The following PRKCZ variants were observed in gnomAD, a reference collection of about 807,000 sequenced individuals.
PRKCZ encodes the protein protein kinase C zeta type.
PRKCZ carries 33 observed loss-of-function variants against 79.5 expected under a neutral mutation model. The observed-to-expected ratio is 0.41, with a 90% CI of 0.31 to 0.55. The LOEUF (loss-of-function observed/expected upper bound fraction) is 0.55, where lower values mean the gene tolerates loss of function less well. Ranked by LOEUF, PRKCZ falls within the 20% of genes least tolerant of loss-of-function variation. PRKCZ has a pLI of 0.19. For missense variants in PRKCZ, 578 were observed against 813.5 expected (o/e 0.71, Z 3.52); for synonymous variants, 342 against 320.9 (o/e 1.07, Z -0.70).
chr1:2,099,176 A>G (rs1667040082), intron 4 of PRKCZ, among the ~76,000 whole-genome samples: 1 of 152,080 alleles, frequency 6.6e-6, no homozygotes, highest in African/African-American at 2.4e-5. Flanking sequence ...CTCCTTCATC[A>G]CCATCATCCA....
chr1:2,124,393 G>A (rs77388180), intron 4 of PRKCZ, among the ~76,000 whole-genome samples: 9 of 96,270 alleles, frequency 9.3e-5, no homozygotes, highest in Admixed American at 3.3e-4. Context: ...TCACGGCGGT[G>A]GTTAGGGTCA....
intron 4 of PRKCZ, among the ~76,000 whole-genome samples, chr1:2,069,954 G>A (rs553630363): frequency 8.5e-5 from 13 of 152,310 alleles, no homozygotes; most frequent in African/African-American, 3.1e-4. Flanking sequence ...GACTCAGGGT[G>A]CCCGCCCTGT....
intron 4 of PRKCZ, among the ~76,000 whole-genome samples, chr1:2,076,441 G>A (rs1485412732): frequency 1.3e-5 from 2 of 152,180 alleles, no homozygotes; most frequent in Non-Finnish European, 2.9e-5. Flanking sequence ...TTATGCAAAG[G>A]GCAGAAAAAG....
In PRKCZ at chr1:2,126,793, G is replaced by T. The variant is rs1673988816; in HGVS notation, c.335-8469G>T. ...CGGGGTTGCCTTCCCGAGGGCCGCG[G>T]ACACCTGAGCAGTCCCCATGCCACT... is the stretch of plus-strand genomic sequence containing the variant. On this transcript the variant is annotated intron_variant, in intron 4 of 17. Coordinates refer to ENST00000378567, the MANE Select transcript of PRKCZ (RefSeq NM_002744.6). 1.3e-5 allele frequency among the ~76,000 whole-genome samples: 2 copies of T among 152,212 alleles called. 1 individual carries two copies. The highest frequency in any genetic ancestry group is 4.1e-4 in the South Asian group (2 of 4,830).
Position 2,056,885 on chromosome 1 carries a change from C to T in PRKCZ, c.283+312C>T, listed in dbSNP as rs368325179. ...CTGGGACTACAGGCGCCCGCCACCACGCCCGGCTAATTTTTTGTATTTTTT... is the reference window on the plus strand; with the variant it reads ...CTGGGACTACAGGCGCCCGCCACCATGCCCGGCTAATTTTTTGTATTTTTT... On this transcript the variant is annotated intron_variant, in intron 3 of 17. Transcript: ENST00000378567. 3.1e-3 allele frequency among the ~76,000 whole-genome samples: 470 copies of T among 152,034 alleles called. 1 individual carries two copies. The highest frequency in any genetic ancestry group is 0.029 in the South Asian group (139 of 4,802).
chr1:2,120,157 G>C (rs1164249445), intron 4 of PRKCZ, among the ~76,000 whole-genome samples: 1 of 152,074 alleles, frequency 6.6e-6, no homozygotes, highest in Non-Finnish European at 1.5e-5. Context: ...CCTGTTAAAA[G>C]TGTTTTCATC....
rs1222462122 is a variant in PRKCZ, at chr1:2,087,881, C to T, written c.334+28290C>T. Among the ~76,000 whole-genome samples, 4 of 152,334 alleles carry T rather than the reference C, an allele frequency of 2.6e-5. No homozygotes were observed. In the East Asian group the frequency reaches 5.8e-4, roughly 22 times the overall value. ...CGGGCACCGGGGGCAGCATCCAGGC[C>T]CTCGGGAGCCAGGCAGGTCACTGCC... On this transcript the variant is annotated intron_variant, in intron 4 of 17. Coordinates refer to ENST00000378567, the MANE Select transcript of PRKCZ (RefSeq NM_002744.6).
intron 10 of PRKCZ, among the ~76,000 whole-genome samples, chr1:2,161,594 G>A (rs868371121): frequency 2.6e-5 from 4 of 152,204 alleles, no homozygotes; most frequent in African/African-American, 7.2e-5. Flanking sequence ...AAAGGGATGC[G>A]TTGTCTGTAG....
intron 4 of PRKCZ, among the ~76,000 whole-genome samples, chr1:2,067,968 C>G (rs1661258005): frequency 6.6e-6 from 1 of 152,198 alleles, no homozygotes; most frequent in Admixed American, 6.5e-5. Context: ...GGGACGGGGC[C>G]CTTCTCTTGG....
chr1:2,070,839 C>G (rs1488214782), intron 4 of PRKCZ, among the ~76,000 whole-genome samples: 1 of 152,096 alleles, frequency 6.6e-6, no homozygotes, highest in Admixed American at 6.5e-5. Context: ...GGGGAAGGGG[C>G]TCTTGAGGCT....
intron 5 of PRKCZ, chr1:2,143,914 G>T: frequency 3.1e-6 from 1 of 319,180 alleles, no homozygotes; most frequent in South Asian, 4.0e-5. Context: ...ACGGGGCCTT[G>T]CCTGAAGCAG....
chr1:2,134,682 GGAAACTC>G (rs923772767), intron 4 of PRKCZ: 1 of 152,288 alleles, frequency 6.6e-6, no homozygotes, highest in Non-Finnish European at 1.5e-5. Context: ...TTAGGTTAAA[GGAAACTC>G]GACTGGAGAG....
At chr1:2,136,655 G>T (rs1401323352) in intron 5 of PRKCZ, among the ~76,000 whole-genome samples, 1 of 152,156 alleles carries the variant, frequency 6.6e-6, no homozygotes, top group Non-Finnish European at 1.5e-5. Context: ...TTTGGCTCAG[G>T]CTGGGACTCA....
At chr1:2,131,875 G>C (rs1376933316) in intron 4 of PRKCZ, among the ~76,000 whole-genome samples, 1 of 152,194 alleles carries the variant, frequency 6.6e-6, no homozygotes, top group Non-Finnish European at 1.5e-5. Context: ...GCAGTGGCGC[G>C]ATCGCGGCTC....
At chr1:2,102,616 G>A (rs1044628060) in intron 4 of PRKCZ, among the ~76,000 whole-genome samples, 14 of 152,196 alleles carry the variant, frequency 9.2e-5, no homozygotes, top group Middle Eastern at 3.2e-3. Context: ...ACAGGTGTGA[G>A]CCACCGTGCC....
chr1:2,131,690 A>G lies in PRKCZ; in HGVS notation c.335-3572A>G, dbSNP rs553063827. Among the ~76,000 whole-genome samples, 117 of 152,310 alleles carry G rather than the reference A, an allele frequency of 7.7e-4. 1 individual carries two copies. The South Asian group carries it at 0.023, about 30-fold the overall frequency. On this transcript the variant is annotated intron_variant, in intron 4 of 17. Transcript: ENST00000378567. ...CAGGGGCAGGACTTAAGCCCCACCC[A>G]ACTGCAGGCTGTCCCCCGCCGCTGC...
intron 4 of PRKCZ, chr1:2,073,710 TGGAGACATGA>T (rs1250862098): frequency 2.0e-6 from 2 of 999,142 alleles, no homozygotes; most frequent in East Asian, 2.2e-4. Flanking sequence ...CACCCGGGCC[TGGAGACATGA>T]GGAGGCAGGG....
At chr1:2,124,746 G>T (rs931807474) in intron 4 of PRKCZ, among the ~76,000 whole-genome samples, 3 of 152,050 alleles carry the variant, frequency 2.0e-5, no homozygotes, top group Non-Finnish European at 4.4e-5. Flanking sequence ...GAGATGCCTG[G>T]CCCGGCTTTC....
chr1:2,161,820 A>T (rs1214524882), intron 10 of PRKCZ, among the ~76,000 whole-genome samples: 2 of 151,990 alleles, frequency 1.3e-5, no homozygotes, highest in Non-Finnish European at 2.9e-5. Context: ...ATGAGCAGGG[A>T]TAGGGGTGGC....
Sources: gnomAD v4.1 joint callset for allele counts (sites outside exome capture counted in the v4.1 genomes callset) on GRCh38, gnomAD v4.1.1 for gene constraint, MANE v1.5 for transcripts, NCBI Gene and HGNC (gene_info 2026-07-23, HGNC 2026-07-21) for gene names.